IQCH: variants seen among roughly 807,000 people sequenced by gnomAD.
The protein encoded by IQCH is IQ domain-containing protein H.
In IQCH, 98 loss-of-function variants were observed where a neutral mutation model predicts 117.0. The observed-to-expected ratio is 0.84, with a 90% CI of 0.71 to 0.99. The LOEUF (loss-of-function observed/expected upper bound fraction) is 0.99. IQCH is among the 50% of genes least tolerant of loss of function. The pLI, the probability that IQCH is intolerant of heterozygous loss-of-function variation, is 0.00. For synonymous variants in IQCH, 412 were observed against 448.2 expected, an observed-to-expected ratio of 0.92 and a Z score of 1.02; for missense variants, 1,102 against 1,243.8, an observed-to-expected ratio of 0.89 and a Z score of 1.72.
chr15:67,255,066 A>C, intron 1 of IQCH, 119 bp downstream of exon 1: 1 of 991,720 alleles, frequency 1.0e-6, no homozygotes, highest in African/African-American at 1.6e-5. Flanking sequence ...ACTCCCTCCA[A>C]CTCGCGAGAG....
At position 67,406,785 on chromosome 15, in the gene IQCH, TTCTC is replaced by T. The variant is rs542547159; in HGVS notation, c.2097+6482_2097+6485del. ...TTACTTCAGCTCTCCAAGTCTCCCT[TTCTC>T]TATCTGTAAAGAGAGATTAGTACCT... is the stretch of plus-strand genomic sequence containing the variant. On this transcript the variant is annotated intron_variant, in intron 14 of 20. Coordinates refer to ENST00000335894, the MANE Select transcript of IQCH (RefSeq NM_001031715.3). This position sits in a 1 kb window ranked among gnomAD's most constrained non-coding sequence, Gnocchi z 4.5. 1.3e-5 allele frequency: 2 copies of T among 152,206 alleles called. No individual in the cohort carries two copies. Among genetic ancestry groups the T allele is most frequent in the East Asian group, 3.9e-4 (2 of 5,194 alleles). 9.4% of individuals were successfully genotyped at this position (152,206 alleles called of 1,614,324 possible). A position where few individuals can be genotyped will look rare whatever the true frequency, so the allele number is the denominator to read the frequency against.
chr15:67,279,576 C>T (rs1966267263), intron 4 of IQCH, 64 bp downstream of exon 4: 5 of 902,524 alleles, frequency 5.5e-6, no homozygotes, highest in African/African-American at 3.4e-5. Context: ...CTGGGAGGAG[C>T]AGAGACTAGG....
Position 67,421,300 on chromosome 15 carries a change from T to A in IQCH, c.2228T>A (p.Ile743Asn). 6.2e-7 allele frequency: 1 copy of A among 1,613,638 alleles called. No individual in the cohort carries two copies. The highest frequency in any genetic ancestry group is 1.1e-5 in the South Asian group (1 of 91,012). The change falls in exon 16 of 21, where the codon ATC (isoleucine) becomes AAC (asparagine). Residue 743 changes from isoleucine to asparagine, a missense_variant. Physicochemically the swap from Ile to Asn is moderately radical, Grantham distance 149. Around this residue, in one of 2 missense-constraint regions of IQCH, gnomAD observed 650 missense variants for 794.3 expected, o/e 0.82. Coordinates refer to ENST00000335894, the MANE Select transcript of IQCH (RefSeq NM_001031715.3). ...LQTFLSQGGV[I>N]EAFPPADNVT... ...ATGTTTTTCCCACCAGGGGGTGTGATCGAAGCATTCCCACCTGCAGACAAT... is the reference window on the plus strand; with the variant it reads ...ATGTTTTTCCCACCAGGGGGTGTGAACGAAGCATTCCCACCTGCAGACAAT...
chr15:67,299,135 A>G (rs1966897592), intron 4 of IQCH, among the ~76,000 whole-genome samples: 1 of 151,816 alleles, frequency 6.6e-6, no homozygotes, highest in African/African-American at 2.4e-5. Flanking sequence ...ATAGAACTGG[A>G]GATCATTATG....
Position 67,501,006 on chromosome 15 carries a change from T to C in IQCH, c.*260T>C. The C allele has an allele frequency of 8.6e-6, 2 of 232,122 alleles. No individual in the cohort carries two copies. Among genetic ancestry groups the C allele is most frequent in the Non-Finnish European group, 1.7e-5 (2 of 119,480 alleles). The allele number at this position is 232,122 out of a possible 1,614,324, so 14.4% of individuals were successfully genotyped here. A position where few individuals can be genotyped will look rare whatever the true frequency, so the allele number is the denominator to read the frequency against. On this transcript the variant is annotated 3_prime_UTR_variant, in exon 21 of 21. Coordinates refer to ENST00000335894, the MANE Select transcript of IQCH (RefSeq NM_001031715.3). The surrounding 1 kb of genome is among the most constrained non-coding windows in gnomAD (Gnocchi z 5.2). ...TCTTCTTCTCAAACTCAGAAAAAAG[T>C]AATCTGATAAAAGAAGAAAGTTAAA...
rs1244220453 is a variant in IQCH, at chr15:67,288,882, G to A, written c.387+9370G>A. Among the ~76,000 whole-genome samples the A allele has an allele frequency of 2.6e-5, 4 of 152,166 alleles. No individual in the cohort carries two copies. The Admixed American group carries it at 2.6e-4, about 10-fold the overall frequency. On this transcript the variant is annotated intron_variant, in intron 4 of 20. Coordinates refer to ENST00000335894, the MANE Select transcript of IQCH (RefSeq NM_001031715.3). ...TGTGGGCTACAGAATCAAAGAGAAA[G>A]GGTGGGCTTATGCAAACTTGGTCAG...
Position 67,413,070 on chromosome 15 carries a change from G to GGTGTGTGTGTGTGT in IQCH, c.2098-3844_2098-3831dup, listed in dbSNP as rs35806920. Among the ~76,000 whole-genome samples, 1 of 147,864 alleles carries GGTGTGTGTGTGTGT rather than the reference G, an allele frequency of 6.8e-6. No individual in the cohort carries two copies. The highest frequency in any genetic ancestry group is 2.5e-5 in the African/African-American group (1 of 40,412). ...ATTGGAGTGTTTGTCTGTTATGGAA[G>GGTGTGTGTGTGTGT]GTGTGTGTGTGTGTGTGTGTGTGTG... is the stretch of plus-strand genomic sequence containing the variant. On this transcript the variant is annotated intron_variant, in intron 14 of 20. Transcript: ENST00000335894. This position sits in a 1 kb window ranked among gnomAD's most constrained non-coding sequence, Gnocchi z 5.0.
intron 4 of IQCH, among the ~76,000 whole-genome samples, chr15:67,287,809 G>A (rs989289620): frequency 6.6e-6 from 1 of 151,676 alleles, no homozygotes; most frequent in Non-Finnish European, 1.5e-5. Context: ...TGATTTTCTA[G>A]TTCTTTAAGA....
intron 3 of IQCH, among the ~76,000 whole-genome samples, chr15:67,264,154 C>A (rs1376274524): frequency 6.6e-6 from 1 of 152,246 alleles, no homozygotes; most frequent in African/African-American, 2.4e-5. Context: ...CATCCATCAT[C>A]CTTTGGTAGA....
chr15:67,411,100 A>T lies in IQCH; in HGVS notation c.2098-5831A>T, dbSNP rs533556230. Among the ~76,000 whole-genome samples the T allele has an allele frequency of 1.3e-5, 2 of 152,274 alleles. No homozygotes were observed. The highest frequency in any genetic ancestry group is 4.1e-4 in the South Asian group (2 of 4,822). On this transcript the variant is annotated intron_variant, in intron 14 of 20. Transcript: ENST00000335894. The surrounding 1 kb of genome is among the most constrained non-coding windows in gnomAD (Gnocchi z 4.4). The stretch of plus-strand genomic sequence containing the variant: ...AGCTTTTAGGATTTTAATAAAGCCT[A>T]AAAAGTGACTAAAATGTATCCTGTG...
chr15:67,278,204 G>A (rs1322471823), intron 3 of IQCH, among the ~76,000 whole-genome samples: 1 of 152,136 alleles, frequency 6.6e-6, no homozygotes, highest in African/African-American at 2.4e-5. Context: ...AGAACGGAAC[G>A]AAGAACAGAA....
chr15:67,491,535 C>T lies in IQCH; in HGVS notation c.2861+1471C>T, dbSNP rs1296394049. On this transcript the variant is annotated intron_variant, in intron 19 of 20. Coordinates refer to ENST00000335894, the MANE Select transcript of IQCH (RefSeq NM_001031715.3). This position sits in a 1 kb window ranked among gnomAD's most constrained non-coding sequence, Gnocchi z 4.9. ...CTCCCCTCCAGTTTCAGTCTTCCCC[C>T]AAGATCCCATAAACATGCAAAACTT... Among the ~76,000 whole-genome samples the T allele has an allele frequency of 3.9e-5, 6 of 152,110 alleles. No individual in the cohort carries two copies. Among genetic ancestry groups the T allele is most frequent in the East Asian group, 1.9e-4 (1 of 5,194 alleles).
chr15:67,297,647 A>C (rs564677472), intron 4 of IQCH, among the ~76,000 whole-genome samples: 3 of 152,264 alleles, frequency 2.0e-5, no homozygotes, highest in South Asian at 2.1e-4. Flanking sequence ...GTCCATGCGC[A>C]ATTTTCCCCA....
At chr15:67,442,608 G>A (rs1041817521) in intron 16 of IQCH, among the ~76,000 whole-genome samples, 4 of 152,076 alleles carry the variant, frequency 2.6e-5, no homozygotes, top group Non-Finnish European at 5.9e-5. Flanking sequence ...AGCCACTATG[G>A]AAGACAGTGT....
chr15:67,271,229 A>C (rs1965886643), intron 3 of IQCH, among the ~76,000 whole-genome samples: 1 of 152,200 alleles, frequency 6.6e-6, no homozygotes. Context: ...TGGCCTCCCA[A>C]AGTGCTGAGA....
In IQCH at chr15:67,408,783, C is replaced by T. The variant is rs1292068172; in HGVS notation, c.2098-8148C>T. Among the ~76,000 whole-genome samples the T allele has an allele frequency of 1.3e-5, 2 of 152,038 alleles. No individual in the cohort carries two copies. The highest frequency in any genetic ancestry group is 2.4e-5 in the African/African-American group (1 of 41,406). On this transcript the variant is annotated intron_variant, in intron 14 of 20. Coordinates refer to ENST00000335894, the MANE Select transcript of IQCH (RefSeq NM_001031715.3). The surrounding 1 kb of genome is among the most constrained non-coding windows in gnomAD (Gnocchi z 4.2). ...CAGCATATGCAATTTTCTCAACCAG[C>T]GATATTTCTCTAACTGGAAAGAAAG...
chr15:67,421,696 C>T (rs2081747029), intron 16 of IQCH, 119 bp downstream of exon 16: 1 of 1,058,216 alleles, frequency 9.4e-7, no homozygotes, highest in East Asian at 2.5e-5. Context: ...CTCTGATGAA[C>T]TTGCTCTAAA....
intron 16 of IQCH, among the ~76,000 whole-genome samples, chr15:67,440,863 A>G (rs1308797935): frequency 2.0e-5 from 3 of 152,206 alleles, no homozygotes; most frequent in Non-Finnish European, 2.9e-5. Context: ...AGTCCTAGCC[A>G]GAGCAATCAG....
Position 67,279,740 on chromosome 15 carries a change from C to T in IQCH, c.387+228C>T, listed in dbSNP as rs113322487. Among the ~76,000 whole-genome samples the T allele has an allele frequency of 3.7e-4, 57 of 152,242 alleles. 1 individual carries two copies. The highest frequency in any genetic ancestry group is 3.1e-3 in the Admixed American group (47 of 15,296). ...AATTTTGGCTGGGTGCAGTGGCTCA[C>T]GCCTGTAATTCCAGCACTTTGGGAG... is the stretch of plus-strand genomic sequence containing the variant. On this transcript the variant is annotated intron_variant, in intron 4 of 20. Coordinates refer to ENST00000335894, the MANE Select transcript of IQCH (RefSeq NM_001031715.3).
Sources: gnomAD v4.1 joint callset for allele counts (sites outside exome capture counted in the v4.1 genomes callset) on GRCh38, gnomAD v4.1.1 for gene constraint, gnomAD v4.1.1 regional missense constraint, Gnocchi (gnomAD v3.1) non-coding constraint, MANE v1.5 for transcripts, NCBI Gene and HGNC (gene_info 2026-07-23, HGNC 2026-07-21) for gene names.